The following SCN11A variants were observed in gnomAD, a reference collection of about 807,000 sequenced individuals.
SCN11A encodes sodium voltage-gated channel alpha subunit 11, also known as sodium channel protein type 11 subunit alpha.
In SCN11A, 122 loss-of-function variants were observed where a neutral mutation model predicts 162.2. That is an observed-to-expected ratio of 0.75 (90% CI 0.65 to 0.87). The LOEUF is 0.87. Ranked by LOEUF, SCN11A falls within the 40% of genes least tolerant of loss-of-function variation. SCN11A has a pLI of 0.00. For synonymous variants in SCN11A, 758 were observed against 751.5 expected, an observed-to-expected ratio of 1.01 and a Z score of -0.14; for missense variants, 2,015 against 2,181.6, an observed-to-expected ratio of 0.92 and a Z score of 1.52.
rs191027896 is a variant in SCN11A, at chr3:38,976,654, C to A, written c.-279-16231G>T. ...TCCCAAGTATTTTGGATAAGGGATA[C>A]TAAACCTGTATTGCACACTTGATCT... On this transcript the variant is annotated intron_variant, in intron 2 of 29. Coordinates refer to ENST00000302328, the MANE Select transcript of SCN11A (RefSeq NM_001349253.2). Among the ~76,000 whole-genome samples, 10 of 152,274 alleles carry A rather than the reference C, an allele frequency of 6.6e-5. No individual in the cohort carries two copies. In the East Asian group the frequency reaches 1.4e-3, roughly 21 times the overall value.
chr3:38,898,590 T>C (rs1037429135), intron 17 of SCN11A, among the ~76,000 whole-genome samples: 3 of 152,256 alleles, frequency 2.0e-5, no homozygotes, highest in African/African-American at 4.8e-5. Context: ...TCAAGACTTG[T>C]ATACTTTTTC....
chr3:39,025,046 C>G (rs576375692), intron 2 of SCN11A, among the ~76,000 whole-genome samples: 11 of 152,268 alleles, frequency 7.2e-5, no homozygotes, highest in African/African-American at 2.6e-4. Context: ...GGCCTCTGCA[C>G]GAGCTCTTAG....
intron 2 of SCN11A, among the ~76,000 whole-genome samples, chr3:39,011,920 G>C (rs1321825211): frequency 1.3e-5 from 2 of 152,018 alleles, no homozygotes; most frequent in African/African-American, 4.8e-5. Flanking sequence ...CAAAAAACAG[G>C]TCAGACTGAT....
chr3:38,846,669 A>C lies in SCN11A; in HGVS notation c.*25T>G. ...AGGCTGAAGGCAAGGCTGTGAAGCT[A>C]TGAGGTAGGCGTGGAGGTGAGGGCT... On this transcript the variant is annotated 3_prime_UTR_variant, in exon 30 of 30. Transcript: ENST00000302328. 1 of 1,594,204 alleles carries C rather than the reference A, an allele frequency of 6.3e-7. No homozygotes were observed. The highest frequency in any genetic ancestry group is 8.6e-7 in the Non-Finnish European group (1 of 1,163,038).
chr3:38,859,716 G>A (rs1559491087), intron 28 of SCN11A, among the ~76,000 whole-genome samples: 1 of 152,124 alleles, frequency 6.6e-6, no homozygotes, highest in East Asian at 1.9e-4. Context: ...AGCTGTCCTT[G>A]TTCATTCCTG....
At chr3:38,889,167 T>A (rs1435940377) in intron 19 of SCN11A, among the ~76,000 whole-genome samples, 3 of 152,156 alleles carry the variant, frequency 2.0e-5, no homozygotes, top group Non-Finnish European at 4.4e-5. Flanking sequence ...GGCTTATGCC[T>A]GTAATTCCTG....
chr3:39,009,506 C>T (rs910861586), intron 2 of SCN11A, among the ~76,000 whole-genome samples: 1 of 150,232 alleles, frequency 6.7e-6, no homozygotes, highest in Non-Finnish European at 1.5e-5. Context: ...TTGAGAATTG[C>T]TGATTCAGAA....
At chr3:39,050,960 G>T (rs2032340676) in intron 1 of SCN11A, among the ~76,000 whole-genome samples, 1 of 152,078 alleles carries the variant, frequency 6.6e-6, no homozygotes, top group South Asian at 2.1e-4. Context: ...TCACTAGAGA[G>T]GGTCTGATCA....
At chr3:38,852,816 C>T (rs1463710361) in intron 28 of SCN11A, among the ~76,000 whole-genome samples, 6 of 152,156 alleles carry the variant, frequency 3.9e-5, no homozygotes, top group Admixed American at 2.6e-4. Context: ...AAAGTCTAAG[C>T]CCAGACTCAG....
At chr3:38,993,505 A>T (rs74927149) in intron 2 of SCN11A, among the ~76,000 whole-genome samples, 5,338 of 152,302 alleles carry the variant, frequency 0.035, 246 homozygotes, top group African/African-American at 0.11. Flanking sequence ...ACAGGACGGA[A>T]ATTGGTTTTA....
At chr3:38,993,058 G>T (rs2030501404) in intron 2 of SCN11A, among the ~76,000 whole-genome samples, 1 of 152,154 alleles carries the variant, frequency 6.6e-6, no homozygotes, top group African/African-American at 2.4e-5. Flanking sequence ...GTCCCTAATG[G>T]GTTGCAATAA....
chr3:39,001,536 T>C (rs1369229137), intron 2 of SCN11A, among the ~76,000 whole-genome samples: 1 of 152,248 alleles, frequency 6.6e-6, no homozygotes, highest in African/African-American at 2.4e-5. Flanking sequence ...TTGATGGACA[T>C]TTGGATTGTT....
At chr3:39,046,066 C>T (rs1034884947) in intron 1 of SCN11A, among the ~76,000 whole-genome samples, 1 of 152,172 alleles carries the variant, frequency 6.6e-6, no homozygotes, top group South Asian at 2.1e-4. Context: ...TCAAGATCAG[C>T]CTGGCCAACA....
intron 2 of SCN11A, among the ~76,000 whole-genome samples, chr3:39,030,735 C>T (rs898429320): frequency 6.6e-6 from 1 of 152,204 alleles, no homozygotes; most frequent in African/African-American, 2.4e-5. Context: ...ACCACACACA[C>T]ACACAAAGCA....
At chr3:38,870,205 C>G (rs2065102767) in intron 26 of SCN11A, among the ~76,000 whole-genome samples, 1 of 152,146 alleles carries the variant, frequency 6.6e-6, no homozygotes, top group African/African-American at 2.4e-5. Context: ...AACTAAAATT[C>G]AACAGCTGGT....
intron 9 of SCN11A, 33 bp downstream of exon 9, chr3:38,925,382 T>C (rs2066122017): frequency 1.5e-6 from 2 of 1,357,466 alleles, no homozygotes; most frequent in Admixed American, 1.7e-5. Context: ...TCTTTCTAGA[T>C]AGGAGCCAGT....
At position 39,030,294 on chromosome 3, in the gene SCN11A, C is replaced by T. The variant is rs948997319; in HGVS notation, c.-280+2086G>A. Among the ~76,000 whole-genome samples, 5 of 152,282 alleles carry T rather than the reference C, an allele frequency of 3.3e-5. No individual in the cohort carries two copies. The South Asian group carries it at 8.3e-4, about 25-fold the overall frequency. On this transcript the variant is annotated intron_variant, in intron 2 of 29. Transcript: ENST00000302328. ...ATCTAGGTTGGTGACAGAACCTGGTCGTGATGGCTGGAGCTCTTCAGGAAG... is the reference window on the plus strand; with the variant it reads ...ATCTAGGTTGGTGACAGAACCTGGTTGTGATGGCTGGAGCTCTTCAGGAAG...
At chr3:38,925,574 A>G in intron 8 of SCN11A, 65 bp from the exon 9 acceptor site, 2 of 1,112,426 alleles carry the variant, frequency 1.8e-6, no homozygotes, top group African/African-American at 1.5e-5. Flanking sequence ...GCACATCTCC[A>G]CAAAAGCCAC....
At chr3:38,945,612 G>C (rs1260969953) in intron 6 of SCN11A, 100 bp from the exon 7 acceptor site, 1 of 660,090 alleles carries the variant, frequency 1.5e-6, no homozygotes, top group Admixed American at 3.2e-5. Flanking sequence ...TTTTCTGCAG[G>C]TGCATCTATC....
Sources: gnomAD v4.1 joint callset for allele counts (sites outside exome capture counted in the v4.1 genomes callset) on GRCh38, gnomAD v4.1.1 for gene constraint, MANE v1.5 for transcripts, NCBI Gene and HGNC (gene_info 2026-07-23, HGNC 2026-07-21) for gene names.